The following TMEM145 variants were observed in gnomAD, a reference collection of about 807,000 sequenced individuals.
TMEM145 encodes transmembrane protein 145.
A neutral mutation model predicts 68.5 loss-of-function variants in TMEM145; 46 were observed. That is an observed-to-expected ratio of 0.67 (90% CI 0.53 to 0.86). The LOEUF (loss-of-function observed/expected upper bound fraction) is 0.86. Ranked by LOEUF, TMEM145 falls within the 40% of genes least tolerant of loss-of-function variation. TMEM145 has a pLI of 0.00. For missense variants in TMEM145, 570 were observed against 645.8 expected (o/e 0.88, Z 1.27); for synonymous variants, 255 against 280.2 (o/e 0.91, Z 0.90).
chr19:42,313,473 C>A lies in TMEM145; in HGVS notation c.97C>A (p.Arg33=). 4.5e-6 allele frequency: 6 copies of A among 1,346,286 alleles called. No homozygotes were observed. Among genetic ancestry groups the A allele is most frequent in the Non-Finnish European group, 5.7e-6 (6 of 1,045,878 alleles). The allele number at this position is 1,346,286 out of a possible 1,614,324, so 83.4% of individuals were successfully genotyped here. ...LPPRARAKYV[R]GNLSSKEDWV... is the part of the protein sequence containing the mutation. The stretch of plus-strand genomic sequence containing the variant: ...CCCCCGCGCCCGGGCCAAGTACGTG[C>A]GGGGCAACCTCAGTTCCAAGGAGGT... The change falls in exon 1 of 15, where the codon CGG becomes AGG. Residue 33 remains arginine (R), a synonymous_variant. Coordinates refer to ENST00000301204, the MANE Select transcript of TMEM145 (RefSeq NM_173633.3). The surrounding 1 kb of genome is among the most constrained non-coding windows in gnomAD (Gnocchi z 5.1).
chr19:42,317,347 C>T (rs2038869102), intron 11 of TMEM145, among the ~76,000 whole-genome samples: 2 of 152,180 alleles, frequency 1.3e-5, no homozygotes, highest in South Asian at 4.1e-4. Context: ...CCCCATGGAG[C>T]CCCTCTAAGG....
chr19:42,324,406 G>C (rs2038948538), intron 14 of TMEM145: 1 of 984,358 alleles, frequency 1.0e-6, no homozygotes, highest in Admixed American at 6.2e-5. Context: ...CGGCCGACTC[G>C]GGCTGGGACG....
In TMEM145 at chr19:42,315,195, G is replaced by A; in HGVS notation, c.513G>A (p.Leu171=). The A allele has an allele frequency of 6.2e-7, 1 of 1,610,022 alleles. No homozygotes were observed. The highest frequency in any genetic ancestry group is 8.5e-7 in the Non-Finnish European group (1 of 1,177,198). ...CTCCTACCAAATCGGCAGGGATCCT[G>A]GAGACAGATGTGACCTTCCTCCTCA... ...RHFSADEFGI[L]ETDVTFLLIF... The change falls in exon 7 of 15, where the codon CTG becomes CTA. Residue 171 remains leucine, a synonymous_variant. Coordinates refer to ENST00000301204, the MANE Select transcript of TMEM145 (RefSeq NM_173633.3).
chr19:42,322,425 G>C (rs2038919630), intron 13 of TMEM145, among the ~76,000 whole-genome samples: 1 of 152,184 alleles, frequency 6.6e-6, no homozygotes, highest in Non-Finnish European at 1.5e-5. Flanking sequence ...CGGGATGCAG[G>C]CTCAGAACGG....
At chr19:42,316,219 A>ACC (rs2038855523) in intron 8 of TMEM145, among the ~76,000 whole-genome samples, 1 of 41,870 alleles carries the variant, frequency 2.4e-5, no homozygotes, top group Admixed American at 3.7e-4. Context: ...GGGGGCCTGG[A>ACC]CCCCTGGGTC....
Position 42,314,434 on chromosome 19 carries a change from A to C in TMEM145, c.196-17A>C. 6.2e-7 allele frequency: 1 copy of C among 1,614,064 alleles called. No individual in the cohort carries two copies. Among genetic ancestry groups the C allele is most frequent in the Non-Finnish European group, 8.5e-7 (1 of 1,179,996 alleles). ...AGGCTGCCCCAGCTCCCGGTCCCCA[A>C]CATCTCTGGTCTGCAGGCCAAGTGC... On this transcript the variant is annotated splice_polypyrimidine_tract_variant and intron_variant, in intron 2 of 14. Coordinates refer to ENST00000301204, the MANE Select transcript of TMEM145 (RefSeq NM_173633.3).
chr19:42,315,105 G>A, intron 6 of TMEM145, 28 bp downstream of exon 6: 2 of 1,614,158 alleles, frequency 1.2e-6, no homozygotes, highest in East Asian at 2.2e-5. Flanking sequence ...TAGAAACCAG[G>A]CTCTCTGTGG....
In TMEM145 at chr19:42,324,790, G is replaced by A; in HGVS notation, c.1455G>A (p.Arg485=). 1.9e-6 allele frequency: 3 copies of A among 1,567,552 alleles called. No homozygotes were observed. The highest frequency in any genetic ancestry group is 3.6e-5 in the Admixed American group (2 of 55,774). Residue 485 remains arginine (R), a synonymous_variant, in exon 15 of 15, where the codon CGG becomes CGA. Coordinates refer to ENST00000301204, the MANE Select transcript of TMEM145 (RefSeq NM_173633.3). The part of the protein sequence containing the change: ...DSGLPLFRDL[R]PPGPLRDL ...GGCTCCCGCTGTTCCGTGACCTCCG[G>A]CCCCCTGGCCCCCTTCGAGACCTCT...
rs1490491806 is a variant in TMEM145, at chr19:42,314,292, AT to A, written c.145del (p.Cys49ValfsTer51). 1 of 1,613,834 alleles carries A rather than the reference AT, an allele frequency of 6.2e-7. No individual in the cohort carries two copies. Among genetic ancestry groups the A allele is most frequent in the African/African-American group, 1.3e-5 (1 of 74,880 alleles). ...TTCAGGACTGGGTGTTCCTGACAAGATTTTGTTTCCTCTCGGATTACGGCCG... is the reference window on the plus strand; with the variant it reads ...TTCAGGACTGGGTGTTCCTGACAAGATTTGTTTCCTCTCGGATTACGGCCG... Reference protein sequence around the residue: ...SKEDWVFLTRFCFLSDYGRLD... With the variant: ...SKEDWVFLTRXCFLSDYGRLD... On this transcript the variant is annotated frameshift_variant, in exon 2 of 15. Transcript: ENST00000301204. LOFTEE classifies it high-confidence loss of function.
chr19:42,317,752 C>T lies in TMEM145; in HGVS notation c.944C>T (p.Ala315Val). The change falls in exon 12 of 15, where the codon GCC (alanine) becomes GTC (valine). Residue 315 changes from alanine to valine, a missense_variant. Physicochemically the swap from Ala to Val is moderately conservative, Grantham distance 64. Transcript: ENST00000301204. The stretch of plus-strand genomic sequence containing the variant: ...GTACTGTACACGTATGAGTCGCCGG[C>T]CGGCTACGGGCTCATTGGACTGCAG... ...GQVLYTYESP[A>V]GYGLIGLQVA... 1 of 1,614,198 alleles carries T rather than the reference C, an allele frequency of 6.2e-7. No homozygotes were observed.
intron 12 of TMEM145, among the ~76,000 whole-genome samples, chr19:42,318,995 A>G (rs1373527661): frequency 2.0e-5 from 3 of 152,096 alleles, no homozygotes; most frequent in Non-Finnish European, 4.4e-5. Context: ...GAAGCAGGAG[A>G]ATAGCTTGAA....
chr19:42,314,149 C>CT, intron 1 of TMEM145, 123 bp from the exon 2 acceptor site: 1 of 972,870 alleles, frequency 1.0e-6, no homozygotes, highest in Non-Finnish European at 1.6e-6. Flanking sequence ...TGGAGGTGAC[C>CT]TGGTCTCCTT....
At chr19:42,319,926 A>C (rs1386737901) in intron 12 of TMEM145, among the ~76,000 whole-genome samples, 1 of 150,724 alleles carries the variant, frequency 6.6e-6, no homozygotes, top group Non-Finnish European at 1.5e-5. Flanking sequence ...CACCCAGCTA[A>C]TTTTGTATTT....
intron 14 of TMEM145, 46 bp downstream of exon 14, chr19:42,323,835 C>T (rs1376888185): frequency 6.4e-7 from 1 of 1,564,066 alleles, no homozygotes; most frequent in Admixed American, 1.7e-5. Flanking sequence ...GGCGCCGCCC[C>T]TGGAGTACCT....
At chr19:42,324,271 C>G (rs2038945797) in intron 14 of TMEM145, 1 of 985,304 alleles carries the variant, frequency 1.0e-6, no homozygotes, top group African/African-American at 1.7e-5. Context: ...CCTGACCCCC[C>G]TCCCAGGCCG....
Position 42,313,454 on chromosome 19 carries a change from C to G in TMEM145, c.78C>G (p.Arg26=). The G allele has an allele frequency of 7.3e-7, 1 of 1,370,330 alleles. No homozygotes were observed. Among genetic ancestry groups the G allele is most frequent in the Non-Finnish European group, 9.5e-7 (1 of 1,058,002 alleles). 84.9% of individuals were successfully genotyped at this position (1,370,330 alleles called of 1,614,324 possible). The change falls in exon 1 of 15, where the codon CGC becomes CGG. Residue 26 remains arginine, a synonymous_variant. Transcript: ENST00000301204. The surrounding 1 kb of genome is among the most constrained non-coding windows in gnomAD (Gnocchi z 5.1). The part of the protein sequence containing the change: ...LLLLLLSLPP[R]ARAKYVRGNL... ...TCCTGCTGCTGTCACTGCCCCCCCG[C>G]GCCCGGGCCAAGTACGTGCGGGGCA...
At chr19:42,315,580 C>A in intron 8 of TMEM145, 140 bp downstream of exon 8, 2 of 872,248 alleles carry the variant, frequency 2.3e-6, no homozygotes, top group South Asian at 1.5e-5. Flanking sequence ...CTCCTGGGTC[C>A]AAGGGAGAAG....
rs748338116 is a variant in TMEM145 at position 42,314,341 on chromosome 19, C to A, written c.190C>A (p.Pro64Thr). 4.3e-6 allele frequency: 7 copies of A among 1,614,090 alleles called. No homozygotes were observed. Among genetic ancestry groups the A allele is most frequent in the Non-Finnish European group, 5.1e-6 (6 of 1,180,010 alleles). ...YGRLDFRFRY[P>T]EAKCCQNILL... Reference sequence around the variant, plus strand: ...CCGACTGGACTTCCGTTTCCGCTACCCTGAGGTGAGTCTCCCCCAACACTC... The same window carrying A: ...CCGACTGGACTTCCGTTTCCGCTACACTGAGGTGAGTCTCCCCCAACACTC... Residue 64 changes from proline (P) to threonine (T), a missense_variant, in exon 2 of 15, where the codon CCT becomes ACT. Transcript: ENST00000301204.
chr19:42,314,761 G>A (rs1465456900), intron 4 of TMEM145, 31 bp from the exon 5 acceptor site: 1 of 1,614,112 alleles, frequency 6.2e-7, no homozygotes, highest in Non-Finnish European at 8.5e-7. Flanking sequence ...GGGCATCAAG[G>A]ACAGGCTTCA....
Sources: gnomAD v4.1 joint callset for allele counts (sites outside exome capture counted in the v4.1 genomes callset) on GRCh38, gnomAD v4.1.1 for gene constraint, Gnocchi (gnomAD v3.1) non-coding constraint, MANE v1.5 for transcripts, NCBI Gene and HGNC (gene_info 2026-07-23, HGNC 2026-07-21) for gene names.